ASPHD2: variants seen among roughly 807,000 people sequenced by gnomAD.
The protein encoded by ASPHD2 is aspartate beta-hydroxylase domain-containing protein 2.
In ASPHD2, 12 loss-of-function variants were observed where a neutral mutation model predicts 34.6. The observed-to-expected ratio is 0.35, with a 90% CI of 0.22 to 0.56. ASPHD2 has a LOEUF of 0.56. Among genes scored for constraint, ASPHD2 ranks in the 20% least tolerant of loss-of-function variants. The pLI, the probability that ASPHD2 is intolerant of heterozygous loss-of-function variation, is 0.87. For synonymous variants in ASPHD2, 224 were observed against 212.2 expected (o/e 1.06, Z -0.48); for missense variants, 375 against 505.0 (o/e 0.74, Z 2.47).
At chr22:26,439,300 G>A (rs929558636) in intron 2 of ASPHD2, among the ~76,000 whole-genome samples, 6 of 152,158 alleles carry the variant, frequency 3.9e-5, no homozygotes, top group African/African-American at 1.4e-4. Flanking sequence ...TCGGGAGGCT[G>A]AGGCAGGAGA....
In ASPHD2 at chr22:26,433,430, C is replaced by T. The variant is rs139634413; in HGVS notation, c.-186C>T. 718 of 571,208 alleles carry T rather than the reference C, an allele frequency of 1.3e-3. 11 individuals carry two copies. In the East Asian group the frequency reaches 0.02, roughly 16 times the overall value. 35.4% of individuals were successfully genotyped at this position (571,208 alleles called of 1,614,324 possible). On this transcript the variant is annotated 5_prime_UTR_variant, in exon 2 of 4. In the 5' UTR this introduces an upstream ATG that the reference lacks. Transcript: ENST00000215906. The surrounding 1 kb of genome is among the most constrained non-coding windows in gnomAD (Gnocchi z 5.1). The stretch of plus-strand genomic sequence containing the variant: ...AAACAAATCCTTTCACAGGGACCGA[C>T]GGCACTTGATAATGTGACAAAAACC...
Position 26,443,223 on chromosome 22 carries a change from G to A in ASPHD2, c.*17G>A, listed in dbSNP as rs1312798219. On this transcript the variant is annotated 3_prime_UTR_variant, in exon 4 of 4. Coordinates refer to ENST00000215906, the MANE Select transcript of ASPHD2 (RefSeq NM_020437.5). ...GGACGATGAGAGTATTTCCCATGCT[G>A]GAGTCGGCGAGAAGGGCCGAGGCGG... is the stretch of plus-strand genomic sequence containing the variant. The A allele has an allele frequency of 6.2e-7, 1 of 1,610,246 alleles. No individual in the cohort carries two copies.
intron 2 of ASPHD2, among the ~76,000 whole-genome samples, chr22:26,436,848 G>A (rs1322331245): frequency 6.6e-6 from 1 of 151,444 alleles, no homozygotes; most frequent in African/African-American, 2.4e-5. Context: ...ATGCATGTGT[G>A]TGTGTGTGTG....
At chr22:26,439,891 G>A (rs970635222) in intron 2 of ASPHD2, among the ~76,000 whole-genome samples, 1 of 152,156 alleles carries the variant, frequency 6.6e-6, no homozygotes, top group Non-Finnish European at 1.5e-5. Flanking sequence ...CGTACTTCCT[G>A]GAACCATTAT....
intron 3 of ASPHD2, 38 bp from the exon 4 acceptor site, chr22:26,443,059 G>T (rs1568986003): frequency 6.7e-7 from 1 of 1,483,210 alleles, no homozygotes; most frequent in Non-Finnish European, 9.4e-7. Flanking sequence ...ACTCCAGGGT[G>T]GTTTGAACCT....
At chr22:26,441,747 A>G (rs2084843090) in intron 2 of ASPHD2, among the ~76,000 whole-genome samples, 1 of 151,874 alleles carries the variant, frequency 6.6e-6, no homozygotes, top group Non-Finnish European at 1.5e-5. Context: ...AGATGGTGAA[A>G]CCCCATCTCT....
chr22:26,443,285 G>GGT lies in ASPHD2; in HGVS notation c.*82_*83dup. The stretch of plus-strand genomic sequence containing the variant: ...ACTGTGGTCCGGTCCAGTCCCTACC[G>GGT]GTGTTGTTTCCATGCTCAGAAACCT... On this transcript the variant is annotated 3_prime_UTR_variant, in exon 4 of 4. Transcript: ENST00000215906. The GGT allele has an allele frequency of 8.2e-7, 1 of 1,224,928 alleles. No homozygotes were observed. Among genetic ancestry groups the GGT allele is most frequent in the South Asian group, 1.2e-5 (1 of 80,298 alleles). The allele number at this position is 1,224,928 out of a possible 1,614,324, so 75.9% of individuals were successfully genotyped here.
chr22:26,439,384 G>A (rs999832485), intron 2 of ASPHD2, among the ~76,000 whole-genome samples: 2 of 152,076 alleles, frequency 1.3e-5, no homozygotes, highest in Admixed American at 1.3e-4. Flanking sequence ...GGGCGACAGA[G>A]CACGATTCTG....
rs776526387 is a variant in ASPHD2, at chr22:26,434,470, A to C, written c.855A>C (p.Gly285=). Residue 285 remains glycine (G), a synonymous_variant, in exon 2 of 4, where the codon GGA becomes GGC. Coordinates refer to ENST00000215906, the MANE Select transcript of ASPHD2 (RefSeq NM_020437.5). ...GGACTGTGATAACGGAGCACTATGGACCCACCAACATCCGCATCCGATGCC... is the reference window on the plus strand; with the variant it reads ...GGACTGTGATAACGGAGCACTATGGCCCCACCAACATCCGCATCCGATGCC... The part of the protein sequence containing the change: ...SPGTVITEHY[G]PTNIRIRCHL... 32 of 1,596,748 alleles carry C rather than the reference A, an allele frequency of 2.0e-5. No individual in the cohort carries two copies. The highest frequency in any genetic ancestry group is 2.6e-5 in the Non-Finnish European group (30 of 1,167,730).
chr22:26,438,218 C>T (rs1219165091), intron 2 of ASPHD2, among the ~76,000 whole-genome samples: 2 of 152,138 alleles, frequency 1.3e-5, no homozygotes, highest in Admixed American at 1.3e-4. Flanking sequence ...TAGGGGCACA[C>T]GCCAAAGGAA....
Position 26,433,544 on chromosome 22 carries a change from C to A in ASPHD2, c.-72C>A. ...TGTCGTTCATCAATGCCGCCCCTGGCAGTATCTGAGGATCGGTGGCAGCCA... is the reference window on the plus strand; with the variant it reads ...TGTCGTTCATCAATGCCGCCCCTGGAAGTATCTGAGGATCGGTGGCAGCCA... On this transcript the variant is annotated 5_prime_UTR_variant, in exon 2 of 4. Coordinates refer to ENST00000215906, the MANE Select transcript of ASPHD2 (RefSeq NM_020437.5). This position sits in a 1 kb window ranked among gnomAD's most constrained non-coding sequence, Gnocchi z 5.1. 8.8e-7 allele frequency: 1 copy of A among 1,131,622 alleles called. No homozygotes were observed. Among genetic ancestry groups the A allele is most frequent in the Non-Finnish European group, 1.3e-6 (1 of 781,696 alleles). The allele number at this position is 1,131,622 out of a possible 1,614,324, so 70.1% of individuals were successfully genotyped here.
chr22:26,430,765 G>A (rs537815805), intron 1 of ASPHD2, among the ~76,000 whole-genome samples: 2 of 152,336 alleles, frequency 1.3e-5, no homozygotes, highest in African/African-American at 2.4e-5. Flanking sequence ...TGACTGACAG[G>A]TATGAAAAGT....
intron 2 of ASPHD2, among the ~76,000 whole-genome samples, chr22:26,434,932 G>A (rs987044689): frequency 6.6e-6 from 1 of 152,204 alleles, no homozygotes. Flanking sequence ...TTGTTAAAAT[G>A]ATTACCGAGC....
intron 2 of ASPHD2, among the ~76,000 whole-genome samples, chr22:26,438,570 TACATATATATACATACATATATATAC>T (rs2084812369): frequency 2.5e-5 from 3 of 122,292 alleles, no homozygotes; most frequent in Admixed American, 1.8e-4. Context: ...TATATACACA[TACATATATATACATACATATATATAC>T]ACACATATAT....
intron 2 of ASPHD2, among the ~76,000 whole-genome samples, chr22:26,438,622 CACATATAT>C (rs1159373711): frequency 0.14 from 18,746 of 130,278 alleles, 2,654 homozygotes; most frequent in African/African-American, 0.21. Context: ...TATATATACA[CACATATAT>C]ATACATATAT....
intron 1 of ASPHD2, among the ~76,000 whole-genome samples, chr22:26,430,135 C>T (rs1321559721): frequency 6.6e-6 from 1 of 152,258 alleles, no homozygotes; most frequent in African/African-American, 2.4e-5. Flanking sequence ...CACGGCATCT[C>T]TCTGGCTCCT....
At chr22:26,443,056 G>C in intron 3 of ASPHD2, 41 bp from the exon 4 acceptor site, 1 of 1,464,180 alleles carries the variant, frequency 6.8e-7, no homozygotes. Context: ...CTGACTCCAG[G>C]GTGGTTTGAA....
Position 26,444,127 on chromosome 22 carries a change from G to A in ASPHD2, c.*921G>A, listed in dbSNP as rs984682531. ...ATAGGAGCTGTAGGGGGATAGGACC[G>A]CGCTCACCCAGCGACATTTGGGGAA... On this transcript the variant is annotated 3_prime_UTR_variant, in exon 4 of 4. Coordinates refer to ENST00000215906, the MANE Select transcript of ASPHD2 (RefSeq NM_020437.5). 4 of 152,304 alleles carry A rather than the reference G, an allele frequency of 2.6e-5. No homozygotes were observed. Among genetic ancestry groups the A allele is most frequent in the East Asian group, 1.9e-4 (1 of 5,190 alleles). The allele number at this position is 152,304 out of a possible 1,614,324, so 9.4% of individuals were successfully genotyped here.
chr22:26,434,215 T>G lies in ASPHD2; in HGVS notation c.600T>G (p.Cys200Trp). The G allele has an allele frequency of 6.2e-7, 1 of 1,614,032 alleles. No homozygotes were observed. Among genetic ancestry groups the G allele is most frequent in the Non-Finnish European group, 8.5e-7 (1 of 1,179,986 alleles). Residue 200 changes from cysteine (C) to tryptophan (W), a missense_variant, in exon 2 of 4, where the codon TGT (cysteine) becomes TGG (tryptophan). Transcript: ENST00000215906. ...VLERNFQTIL[C>W]EFETLYKAFS... ...AACGGAACTTCCAGACCATCCTGTG[T>G]GAGTTTGAGACCCTCTACAAAGCTT...
Sources: allele counts gnomAD v4.1 joint callset (sites outside exome capture counted in the v4.1 genomes callset), GRCh38; gene constraint gnomAD v4.1.1; non-coding constraint Gnocchi (gnomAD v3.1); transcripts MANE v1.5; gene names NCBI Gene and HGNC (gene_info 2026-07-23, HGNC 2026-07-21).